Variants in BBS9 observed in about 807,000 individuals in gnomAD.
BBS9 encodes Bardet-Biedl syndrome 9.
Under a neutral mutation model 117.7 loss-of-function variants are expected in BBS9, and 89 were observed. That is an observed-to-expected ratio of 0.76 (90% CI 0.64 to 0.90). The LOEUF (loss-of-function observed/expected upper bound fraction) is 0.90. BBS9 is among the 40% of genes least tolerant of loss of function. The pLI, the probability that BBS9 is intolerant of heterozygous loss-of-function variation, is 0.00. For missense variants in BBS9, 982 were observed against 1,042.2 expected, an observed-to-expected ratio of 0.94 and a Z score of 0.80; for synonymous variants, 379 against 370.9, an observed-to-expected ratio of 1.02 and a Z score of -0.25.
At chr7:33,248,868 T>G (rs1367182993) in intron 5 of BBS9, among the ~76,000 whole-genome samples, 1 of 152,182 alleles carries the variant, frequency 6.6e-6, no homozygotes, top group Non-Finnish European at 1.5e-5. Context: ...CAGCTGTTTT[T>G]TGTGTGTTTT....
chr7:33,149,224 A>G (rs1792916385), intron 2 of BBS9, among the ~76,000 whole-genome samples: 1 of 152,214 alleles, frequency 6.6e-6, no homozygotes, highest in Non-Finnish European at 1.5e-5. Flanking sequence ...TCAGGTGTGC[A>G]GATGGAAGGA....
intron 9 of BBS9, among the ~76,000 whole-genome samples, chr7:33,279,452 G>A (rs1801407868): frequency 6.6e-6 from 1 of 152,048 alleles, no homozygotes; most frequent in Admixed American, 6.5e-5. Context: ...TTACCTTTAG[G>A]GTTAAAGCTT....
intron 17 of BBS9, among the ~76,000 whole-genome samples, chr7:33,378,611 T>C (rs1457889938): frequency 1.3e-5 from 2 of 152,210 alleles, no homozygotes; most frequent in Non-Finnish European, 2.9e-5. Context: ...TTATTCACAT[T>C]TCATTTTGTC....
chr7:33,250,496 T>C (rs1052278108), intron 5 of BBS9, among the ~76,000 whole-genome samples: 4 of 152,230 alleles, frequency 2.6e-5, no homozygotes, highest in Non-Finnish European at 5.9e-5. Context: ...TCTGTCAGAA[T>C]GACAAAACTT....
chr7:33,502,101 GT>G (rs1422232118), intron 19 of BBS9, among the ~76,000 whole-genome samples: 1 of 152,024 alleles, frequency 6.6e-6, no homozygotes, highest in Non-Finnish European at 1.5e-5. Flanking sequence ...GTAAAGATGG[GT>G]TTTCAACATG....
intron 21 of BBS9, among the ~76,000 whole-genome samples, chr7:33,563,729 A>T (rs1054773178): frequency 3.3e-5 from 5 of 152,206 alleles, no homozygotes; most frequent in Non-Finnish European, 5.9e-5. Context: ...GTATGGGGTC[A>T]CTGTAGCTGC....
intron 21 of BBS9, among the ~76,000 whole-genome samples, chr7:33,593,013 G>T (rs756688820): frequency 6.6e-6 from 1 of 152,078 alleles, no homozygotes; most frequent in Non-Finnish European, 1.5e-5. Flanking sequence ...GAGAGTATTG[G>T]TCTCTGAAGA....
At chr7:33,578,374 G>T (rs1373345270) in intron 21 of BBS9, among the ~76,000 whole-genome samples, 1 of 152,198 alleles carries the variant, frequency 6.6e-6, no homozygotes, top group Non-Finnish European at 1.5e-5. Flanking sequence ...CTCCCAAGTG[G>T]GATGACTTGC....
chr7:33,347,286 A>G (rs1817765541), intron 12 of BBS9, among the ~76,000 whole-genome samples: 1 of 152,070 alleles, frequency 6.6e-6, no homozygotes, highest in African/African-American at 2.4e-5. Flanking sequence ...TTAAAAATAT[A>G]TGTACAGACT....
At chr7:33,427,840 G>A (rs758122179) in intron 19 of BBS9, among the ~76,000 whole-genome samples, 6 of 152,134 alleles carry the variant, frequency 3.9e-5, no homozygotes, top group East Asian at 1.9e-4. Context: ...GTAGCTAAGC[G>A]TAGGATATTT....
At chr7:33,491,643 A>C (rs1027884900) in intron 19 of BBS9, among the ~76,000 whole-genome samples, 1 of 152,210 alleles carries the variant, frequency 6.6e-6, no homozygotes, top group East Asian at 1.9e-4. Context: ...CCCTGTCTTC[A>C]CAGAGCTTAC....
intron 5 of BBS9, among the ~76,000 whole-genome samples, chr7:33,220,832 A>G (rs1482016104): frequency 6.6e-6 from 1 of 152,258 alleles, no homozygotes; most frequent in Non-Finnish European, 1.5e-5. Flanking sequence ...CTCTGAGCCC[A>G]CCTTTTAAAT....
intron 21 of BBS9, among the ~76,000 whole-genome samples, chr7:33,561,337 C>A (rs1856055816): frequency 6.6e-6 from 1 of 152,198 alleles, no homozygotes; most frequent in Non-Finnish European, 1.5e-5. Context: ...CCTACTTCTT[C>A]ATGCATAAGT....
intron 19 of BBS9, among the ~76,000 whole-genome samples, chr7:33,450,721 G>A (rs967805098): frequency 1.3e-5 from 2 of 151,986 alleles, no homozygotes; most frequent in African/African-American, 4.8e-5. Context: ...AATCAGATTA[G>A]TTTTTTTGTT....
intron 5 of BBS9, among the ~76,000 whole-genome samples, chr7:33,249,277 T>G (rs1312905592): frequency 6.6e-6 from 1 of 151,582 alleles, no homozygotes; most frequent in Non-Finnish European, 1.5e-5. Context: ...ACTTCATGAA[T>G]AGATTGTAAT....
At chr7:33,441,327 C>G (rs998557397) in intron 19 of BBS9, among the ~76,000 whole-genome samples, 3 of 151,748 alleles carry the variant, frequency 2.0e-5, no homozygotes, top group Non-Finnish European at 4.4e-5. Flanking sequence ...GTCTTTCAAT[C>G]TTTCAAATCT....
At chr7:33,384,994 A>G (rs1410501955) in intron 18 of BBS9, among the ~76,000 whole-genome samples, 2 of 152,126 alleles carry the variant, frequency 1.3e-5, no homozygotes, top group African/African-American at 2.4e-5. Flanking sequence ...ATGTTTAGGT[A>G]TCGTATGGAA....
intron 19 of BBS9, among the ~76,000 whole-genome samples, chr7:33,422,136 T>C (rs1832941829): frequency 6.6e-6 from 1 of 152,206 alleles, no homozygotes; most frequent in Non-Finnish European, 1.5e-5. Flanking sequence ...TAAATATAAA[T>C]TGTATGTACG....
intron 21 of BBS9, among the ~76,000 whole-genome samples, chr7:33,545,388 C>CTTT: frequency 6.6e-6 from 1 of 151,534 alleles, no homozygotes; most frequent in East Asian, 2.0e-4. Context: ...CTTTCTGCTG[C>CTTT]TTCCTCTATC....
Sources: gnomAD v4.1 joint callset for allele counts (sites outside exome capture counted in the v4.1 genomes callset) on GRCh38, gnomAD v4.1.1 for gene constraint, MANE v1.5 for transcripts, NCBI Gene and HGNC (gene_info 2026-07-23, HGNC 2026-07-21) for gene names.